The following CFAP61 variants were observed in gnomAD, a reference collection of about 807,000 sequenced individuals.
CFAP61 encodes cilia and flagella associated protein 61.
A neutral mutation model predicts 135.6 loss-of-function variants in CFAP61; 107 were observed. That is an observed-to-expected ratio of 0.79 (90% CI 0.67 to 0.93). The LOEUF (loss-of-function observed/expected upper bound fraction) is 0.93, where lower values mean the gene tolerates loss of function less well. Among genes scored for constraint, CFAP61 ranks in the 40% least tolerant of loss-of-function variants. The pLI is 0.00. For synonymous variants in CFAP61, 575 were observed against 578.5 expected (o/e 0.99, Z 0.09); for missense variants, 1,507 against 1,556.2 (o/e 0.97, Z 0.53).
chr20:20,164,105 G>C lies in CFAP61; in HGVS notation c.1082G>C (p.Ser361Thr). 1 of 1,613,914 alleles carries C rather than the reference G, an allele frequency of 6.2e-7. No homozygotes were observed. Among genetic ancestry groups the C allele is most frequent in the East Asian group, 2.2e-5 (1 of 44,886 alleles). ...GGATATGCACAGTATCACCATGTCA[G>C]CAGTAGGAGCTTGGCATCGCTCGTA... ...STGYAQYHHVSSRSLASLVLP... is the reference protein window; with the variant it reads ...STGYAQYHHVTSRSLASLVLP... The change falls in exon 11 of 27, where the codon AGC (serine) becomes ACC (threonine). Residue 361 changes from serine (S) to threonine (T), a missense_variant. Ser to Thr is a moderately conservative substitution (Grantham distance 58, BLOSUM62 1). Transcript: ENST00000245957.
At chr20:20,226,504 C>A (rs994685674) in intron 17 of CFAP61, among the ~76,000 whole-genome samples, 2 of 152,166 alleles carry the variant, frequency 1.3e-5, no homozygotes, top group Non-Finnish European at 2.9e-5. Context: ...CCTATTGTGG[C>A]AATATCTGAC....
At chr20:20,211,832 G>C (rs1326242024) in intron 17 of CFAP61, among the ~76,000 whole-genome samples, 1 of 152,182 alleles carries the variant, frequency 6.6e-6, no homozygotes, top group Admixed American at 6.5e-5. Context: ...TGTGCTTCCA[G>C]GGAACAGGTC....
At chr20:20,341,958 C>A (rs1177269171) in intron 26 of CFAP61, 37 bp downstream of exon 26, 18 of 1,405,676 alleles carry the variant, frequency 1.3e-5, no homozygotes, top group Non-Finnish European at 1.6e-5. Flanking sequence ...TTATTCCTTG[C>A]AAATTATAAG....
At chr20:20,290,516 T>G in intron 24 of CFAP61, 125 bp downstream of exon 24, 1 of 673,428 alleles carries the variant, frequency 1.5e-6, no homozygotes, top group Non-Finnish European at 2.6e-6. Flanking sequence ...CCCACTGGAG[T>G]AATCGTCCCC....
intron 8 of CFAP61, among the ~76,000 whole-genome samples, chr20:20,126,967 T>C (rs60174111): frequency 0.098 from 14,899 of 151,466 alleles, 1,595 homozygotes; most frequent in East Asian, 0.59. Context: ...AGATGTTGTC[T>C]TTGAACTCTG....
chr20:20,229,592 G>A (rs1569163099), intron 18 of CFAP61, among the ~76,000 whole-genome samples: 1 of 152,134 alleles, frequency 6.6e-6, no homozygotes, highest in Non-Finnish European at 1.5e-5. Flanking sequence ...CAAATGGATG[G>A]AGGAAATGAC....
intron 19 of CFAP61, among the ~76,000 whole-genome samples, chr20:20,247,626 G>A (rs1316817064): frequency 1.3e-5 from 2 of 152,226 alleles, no homozygotes; most frequent in Admixed American, 1.3e-4. Flanking sequence ...TACCACATTG[G>A]ATAGAACAGA....
intron 20 of CFAP61, chr20:20,259,775 C>G (rs1373359973): frequency 6.6e-6 from 1 of 152,086 alleles, no homozygotes; most frequent in Non-Finnish European, 1.5e-5. Flanking sequence ...TTCAGCCGAG[C>G]ATATTTCCCA....
chr20:20,323,529 T>C (rs954317113), intron 25 of CFAP61, among the ~76,000 whole-genome samples: 5 of 152,194 alleles, frequency 3.3e-5, no homozygotes, highest in Non-Finnish European at 7.3e-5. Flanking sequence ...TTGAAGAGTA[T>C]TGATGGCTAA....
chr20:20,244,839 C>G (rs147124790), intron 18 of CFAP61, among the ~76,000 whole-genome samples: 1 of 152,250 alleles, frequency 6.6e-6, no homozygotes. Flanking sequence ...ACAGCACACA[C>G]ATCACCTCTT....
rs1246277599 is a variant in CFAP61 at position 20,359,123 on chromosome 20, T to A, written c.3514-1087T>A. Among the ~76,000 whole-genome samples the A allele has an allele frequency of 6.6e-6, 1 of 152,196 alleles. No homozygotes were observed. Among genetic ancestry groups the A allele is most frequent in the Non-Finnish European group, 1.5e-5 (1 of 68,042 alleles). On this transcript the variant is annotated intron_variant, in intron 26 of 26. Transcript: ENST00000245957. The surrounding 1 kb of genome is among the most constrained non-coding windows in gnomAD (Gnocchi z 4.0). ...AACTTGTCTCTGAAAATTTTTATAA[T>A]GAAATGTTAGGAAAATCTCTACTAC...
chr20:20,294,096 G>A (rs753680383), intron 24 of CFAP61, among the ~76,000 whole-genome samples: 9 of 152,314 alleles, frequency 5.9e-5, no homozygotes, highest in Non-Finnish European at 1.0e-4. Flanking sequence ...CAATTTGCTC[G>A]TATACTTAAA....
intron 26 of CFAP61, among the ~76,000 whole-genome samples, chr20:20,351,989 A>G (rs1425263522): frequency 2.0e-5 from 3 of 152,218 alleles, no homozygotes; most frequent in Admixed American, 1.3e-4. Context: ...ATTTCAAAAT[A>G]TATTTCAAAA....
At chr20:20,336,625 TA>T (rs35891459) in intron 25 of CFAP61, among the ~76,000 whole-genome samples, 64,859 of 146,010 alleles carry the variant, frequency 0.44, 15,171 homozygotes, top group Middle Eastern at 0.57. Context: ...AACCTGTCTC[TA>T]AAAAAAAAAA....
At chr20:20,054,549 G>A (rs944060499) in intron 1 of CFAP61, among the ~76,000 whole-genome samples, 2 of 152,196 alleles carry the variant, frequency 1.3e-5, no homozygotes, top group Non-Finnish European at 2.9e-5. Flanking sequence ...GTGTATGTAA[G>A]TAAAATTTTG....
intron 19 of CFAP61, among the ~76,000 whole-genome samples, chr20:20,246,454 C>T (rs529960723): frequency 3.3e-5 from 5 of 152,218 alleles, no homozygotes; most frequent in Non-Finnish European, 7.3e-5. Context: ...CTGTTCCAAA[C>T]AATTGGGGTG....
intron 8 of CFAP61, among the ~76,000 whole-genome samples, chr20:20,108,812 A>G (rs558488190): frequency 7.9e-5 from 12 of 152,358 alleles, no homozygotes; most frequent in Admixed American, 4.6e-4. Flanking sequence ...TGTATTTGCT[A>G]TAAAGAGGGA....
chr20:20,206,547 G>A (rs567875713), intron 17 of CFAP61, among the ~76,000 whole-genome samples: 78 of 152,138 alleles, frequency 5.1e-4, no homozygotes, highest in African/African-American at 1.8e-3. Context: ...TTTGTAATTG[G>A]CTTCTTAGCA....
chr20:20,065,756 T>C (rs1022490432), intron 2 of CFAP61, among the ~76,000 whole-genome samples: 8 of 152,110 alleles, frequency 5.3e-5, no homozygotes, highest in African/African-American at 1.9e-4. Context: ...AGATTGGGCA[T>C]GGCCGATGAG....
Sources: allele counts gnomAD v4.1 joint callset (sites outside exome capture counted in the v4.1 genomes callset), GRCh38; gene constraint gnomAD v4.1.1; non-coding constraint Gnocchi (gnomAD v3.1); transcripts MANE v1.5; gene names NCBI Gene and HGNC (gene_info 2026-07-23, HGNC 2026-07-21).